The following TMEM132D variants were observed in gnomAD, a reference collection of about 807,000 sequenced individuals.
The protein encoded by TMEM132D is mature OL transmembrane protein.
In TMEM132D, 21 loss-of-function variants were observed where a neutral mutation model predicts 62.3. The ratio of observed to expected loss-of-function variants is 0.34; its 90% CI spans 0.24 to 0.49. TMEM132D has a LOEUF of 0.49. TMEM132D is among the 20% of genes least tolerant of loss of function. TMEM132D has a pLI of 0.99. For synonymous variants in TMEM132D, 621 were observed against 575.6 expected (o/e 1.08, Z -1.13); for missense variants, 1,346 against 1,402.8 (o/e 0.96, Z 0.65).
chr12:129,448,595 T>C (rs1393652749), intron 3 of TMEM132D, among the ~76,000 whole-genome samples: 1 of 152,238 alleles, frequency 6.6e-6, no homozygotes, highest in African/African-American at 2.4e-5. Flanking sequence ...TTATCGCATA[T>C]ACATGCCACA....
At position 129,891,845 on chromosome 12, in the gene TMEM132D, A is replaced by G. The variant is rs559422125; in HGVS notation, c.79+11416T>C. ...AACTCGAAAAAGTTGAAAACAAATTATAGGTACCACATAGAGAGTGAACAA... is the reference window on the plus strand; with the variant it reads ...AACTCGAAAAAGTTGAAAACAAATTGTAGGTACCACATAGAGAGTGAACAA... On this transcript the variant is annotated intron_variant, in intron 1 of 8. Transcript: ENST00000422113. Among the ~76,000 whole-genome samples, 7 of 152,340 alleles carry G rather than the reference A, an allele frequency of 4.6e-5. No homozygotes were observed. The East Asian group carries it at 1.3e-3, about 29-fold the overall frequency.
At chr12:129,892,223 T>C (rs7954823) in intron 1 of TMEM132D, among the ~76,000 whole-genome samples, 97,913 of 152,004 alleles carry the variant, frequency 0.64, 32,409 homozygotes, top group Middle Eastern at 0.75. Flanking sequence ...GTATAAACTA[T>C]TTCCCAGGAT....
chr12:129,576,714 C>T (rs1877671764), intron 2 of TMEM132D, among the ~76,000 whole-genome samples: 1 of 151,728 alleles, frequency 6.6e-6, no homozygotes, highest in African/African-American at 2.4e-5. Flanking sequence ...CTGACTCCTC[C>T]AAAACTTAAT....
At chr12:129,459,273 T>C (rs1460597204) in intron 3 of TMEM132D, among the ~76,000 whole-genome samples, 1 of 152,176 alleles carries the variant, frequency 6.6e-6, no homozygotes, top group South Asian at 2.1e-4. Flanking sequence ...AAAGCATTTG[T>C]TTTGTGCAGT....
rs544133685 is a variant in TMEM132D at position 129,384,577 on chromosome 12, C to T, written c.1116-46760G>A. On this transcript the variant is annotated intron_variant, in intron 3 of 8. Coordinates refer to ENST00000422113, the MANE Select transcript of TMEM132D (RefSeq NM_133448.3). ...GCCCAGGAGGGACTTTAACCACGTT[C>T]GCATTATTTTAGAAGGGAAAGGAGA... Among the ~76,000 whole-genome samples, 8 of 151,642 alleles carry T rather than the reference C, an allele frequency of 5.3e-5. No homozygotes were observed. The East Asian group carries it at 7.8e-4, about 15-fold the overall frequency.
chr12:129,516,117 A>G (rs1009241586), intron 3 of TMEM132D, among the ~76,000 whole-genome samples: 3 of 152,178 alleles, frequency 2.0e-5, no homozygotes, highest in Non-Finnish European at 2.9e-5. Flanking sequence ...GTGTGTGGAC[A>G]TCAAGAGGCT....
At chr12:129,697,955 T>C (rs1881246484) in intron 2 of TMEM132D, among the ~76,000 whole-genome samples, 1 of 151,578 alleles carries the variant, frequency 6.6e-6, no homozygotes, top group Admixed American at 6.6e-5. Context: ...CTCCTGAGAG[T>C]CAAAGCTTCA....
At chr12:129,527,287 C>CA (rs1300524040) in intron 3 of TMEM132D, among the ~76,000 whole-genome samples, 7 of 152,122 alleles carry the variant, frequency 4.6e-5, no homozygotes, top group Non-Finnish European at 8.8e-5. Context: ...CCGGCTTGGG[C>CA]AACAGTGTGA....
At chr12:129,669,599 G>A (rs2137198505) in intron 2 of TMEM132D, among the ~76,000 whole-genome samples, 1 of 152,240 alleles carries the variant, frequency 6.6e-6, no homozygotes, top group East Asian at 1.9e-4. Flanking sequence ...CAGCTACTCG[G>A]GAGGATGAGG....
chr12:129,888,067 C>T (rs927015760), intron 1 of TMEM132D, among the ~76,000 whole-genome samples: 2 of 152,130 alleles, frequency 1.3e-5, no homozygotes, highest in African/African-American at 4.8e-5. Context: ...ATAGAATTCT[C>T]AGTAGTTTTA....
At chr12:129,143,343 G>A (rs1167413764) in intron 5 of TMEM132D, among the ~76,000 whole-genome samples, 2 of 152,202 alleles carry the variant, frequency 1.3e-5, no homozygotes, top group Admixed American at 1.3e-4. Context: ...GAAGCATGGG[G>A]GAGGGGGCAT....
At chr12:129,619,334 C>T (rs981369030) in intron 2 of TMEM132D, among the ~76,000 whole-genome samples, 1 of 152,144 alleles carries the variant, frequency 6.6e-6, no homozygotes, top group Non-Finnish European at 1.5e-5. Flanking sequence ...TTGAAATTCT[C>T]TGATAAAAAT....
At chr12:129,377,175 G>A (rs376592321) in intron 3 of TMEM132D, among the ~76,000 whole-genome samples, 6 of 152,300 alleles carry the variant, frequency 3.9e-5, no homozygotes, top group African/African-American at 1.4e-4. Context: ...GCACACAGAG[G>A]AAAGAACATA....
chr12:129,420,340 G>A (rs1227910631), intron 3 of TMEM132D, among the ~76,000 whole-genome samples: 1 of 72,378 alleles, frequency 1.4e-5, no homozygotes, highest in Non-Finnish European at 2.3e-5. Context: ...TGCAGTATCT[G>A]GGCCACTGCC....
At chr12:129,750,051 T>C (rs1240070319) in intron 1 of TMEM132D, among the ~76,000 whole-genome samples, 1 of 152,212 alleles carries the variant, frequency 6.6e-6, no homozygotes, top group Non-Finnish European at 1.5e-5. Context: ...CTACTGACGA[T>C]GATGCCTGTG....
chr12:129,325,317 G>T (rs1868869986), intron 4 of TMEM132D, among the ~76,000 whole-genome samples: 2 of 152,218 alleles, frequency 1.3e-5, no homozygotes, highest in Admixed American at 1.3e-4. Flanking sequence ...GAGGATAAGG[G>T]AATACAGAAT....
chr12:129,431,303 G>C (rs1349759089), intron 3 of TMEM132D, among the ~76,000 whole-genome samples: 1 of 152,148 alleles, frequency 6.6e-6, no homozygotes, highest in African/African-American at 2.4e-5. Context: ...TACATCTCTG[G>C]ATTTCCCAAA....
intron 2 of TMEM132D, among the ~76,000 whole-genome samples, chr12:129,593,183 G>T (rs2137136558): frequency 6.6e-6 from 1 of 152,288 alleles, no homozygotes; most frequent in Admixed American, 6.5e-5. Flanking sequence ...AAATTAAATG[G>T]TTGGAAAGTC....
chr12:129,331,384 C>T (rs1869100050), intron 4 of TMEM132D, among the ~76,000 whole-genome samples: 1 of 152,154 alleles, frequency 6.6e-6, no homozygotes. Flanking sequence ...CTGGAGTTCT[C>T]CTTTGATTTT....
Sources: gnomAD v4.1 joint callset for allele counts (sites outside exome capture counted in the v4.1 genomes callset) on GRCh38, gnomAD v4.1.1 for gene constraint, MANE v1.5 for transcripts, NCBI Gene and HGNC (gene_info 2026-07-23, HGNC 2026-07-21) for gene names.